The following BDNF variants were observed in gnomAD, a reference collection of about 807,000 sequenced individuals.
The protein encoded by BDNF is neurotrophic factor BDNF precursor form.
BDNF carries 1 observed loss-of-function variant against 19.5 expected under a neutral mutation model. The ratio of observed to expected loss-of-function variants is 0.05; its 90% CI spans 0.02 to 0.24. The LOEUF is 0.24. BDNF is among the 10% of genes least tolerant of loss of function. The pLI is 1.00. For synonymous variants in BDNF, 100 were observed against 121.6 expected (o/e 0.82, Z 1.17); for missense variants, 195 against 317.6 (o/e 0.61, Z 2.93).
chr11:27,687,269 G>T (rs904089070), intron 1 of BDNF, among the ~76,000 whole-genome samples: 1 of 152,116 alleles, frequency 6.6e-6, no homozygotes, highest in African/African-American at 2.4e-5. Flanking sequence ...GGTCATTTAT[G>T]TTCTTCTCTA....
intron 1 of BDNF, among the ~76,000 whole-genome samples, chr11:27,671,267 T>TGC (rs1200163233): frequency 6.6e-6 from 1 of 151,464 alleles, no homozygotes; most frequent in East Asian, 1.9e-4. Flanking sequence ...GTAACAAACC[T>TGC]GCAGGTTGTG....
At chr11:27,666,516 C>G (rs546304505) in intron 1 of BDNF, among the ~76,000 whole-genome samples, 2 of 152,112 alleles carry the variant, frequency 1.3e-5, no homozygotes, top group Non-Finnish European at 2.9e-5. Context: ...AGCAAAGAAG[C>G]TAAAAACCTT....
intron 1 of BDNF, among the ~76,000 whole-genome samples, chr11:27,667,060 C>A (rs549074849): frequency 6.6e-6 from 1 of 152,312 alleles, no homozygotes; most frequent in African/African-American, 2.4e-5. Flanking sequence ...ATCAGACTAA[C>A]AGCATCTTTC....
rs529491621 is a variant in BDNF at position 27,658,391 on chromosome 11, T to C, written c.174A>G (p.Ser58=). ...GPKAGSRGLT[S]LADTFEHVIE... Reference sequence around the variant, plus strand: ...TCACGTGTTCGAAAGTGTCAGCCAATGATGTCAAGCCTCTTGAACCTGCCT... The same window carrying C: ...TCACGTGTTCGAAAGTGTCAGCCAACGATGTCAAGCCTCTTGAACCTGCCT... Residue 58 remains serine, a synonymous_variant, in exon 2 of 2, where the codon TCA becomes TCG. Transcript: ENST00000356660. The surrounding 1 kb of genome is among the most constrained non-coding windows in gnomAD (Gnocchi z 5.7). 1 of 1,614,176 alleles carries C rather than the reference T, an allele frequency of 6.2e-7. No individual in the cohort carries two copies. Among genetic ancestry groups the C allele is most frequent in the East Asian group, 2.2e-5 (1 of 44,884 alleles).
At chr11:27,670,521 G>C (rs1459542804) in intron 1 of BDNF, among the ~76,000 whole-genome samples, 1 of 152,108 alleles carries the variant, frequency 6.6e-6, no homozygotes, top group Non-Finnish European at 1.5e-5. Context: ...CTGACAAAGG[G>C]CTAATATCCA....
Position 27,656,645 on chromosome 11 carries a change from C to T in BDNF, c.*1176G>A. 1 of 985,788 alleles carries T rather than the reference C, an allele frequency of 1.0e-6. No individual in the cohort carries two copies. Among genetic ancestry groups the T allele is most frequent in the Non-Finnish European group, 1.2e-6 (1 of 829,934 alleles). 61.1% of individuals were successfully genotyped at this position (985,788 alleles called of 1,614,324 possible). A position where few individuals can be genotyped will look rare whatever the true frequency, so the allele number is the denominator to read the frequency against. On this transcript the variant is annotated 3_prime_UTR_variant, in exon 2 of 2. Coordinates refer to ENST00000356660, the MANE Select transcript of BDNF (RefSeq NM_001709.5). ...GTCACTGGCAATGTGGATTCCTGTT[C>T]TGATCTAGGTGTTTCTGGGTTGATA...
At chr11:27,706,540 A>C (rs1860117036) in intron 1 of BDNF, among the ~76,000 whole-genome samples, 1 of 152,204 alleles carries the variant, frequency 6.6e-6, no homozygotes, top group Non-Finnish European at 1.5e-5. Flanking sequence ...TTAAGTCACC[A>C]CTCAGACTTT....
chr11:27,719,761 A>AGGAG (rs1296988711), intron 1 of BDNF: 1 of 51,570 alleles, frequency 1.9e-5, no homozygotes, highest in African/African-American at 7.6e-5. Flanking sequence ...GGGGGCGGGA[A>AGGAG]GGAGGGAGGG....
At chr11:27,678,630 T>C (rs1856481149) in intron 1 of BDNF, among the ~76,000 whole-genome samples, 1 of 152,208 alleles carries the variant, frequency 6.6e-6, no homozygotes, top group East Asian at 1.9e-4. Context: ...GGATGGCTCT[T>C]AGTCCTTGTG....
chr11:27,658,933 C>T lies in BDNF; in HGVS notation c.-21-348G>A, dbSNP rs931838828. The T allele has an allele frequency of 3.0e-5, 34 of 1,127,400 alleles. No homozygotes were observed. Among genetic ancestry groups the T allele is most frequent in the Admixed American group, 1.4e-4 (3 of 21,236 alleles). 69.8% of individuals were successfully genotyped at this position (1,127,400 alleles called of 1,614,324 possible). On this transcript the variant is annotated intron_variant, in intron 1 of 1. Transcript: ENST00000356660. This position sits in a 1 kb window ranked among gnomAD's most constrained non-coding sequence, Gnocchi z 5.7. The stretch of plus-strand genomic sequence containing the variant: ...TTAATGATCTCTGCTCATGCTGTCA[C>T]GAGAAACACAAAATCATAAATGTTA...
intron 1 of BDNF, chr11:27,720,229 A>C: frequency 4.2e-6 from 3 of 718,292 alleles, no homozygotes; most frequent in Non-Finnish European, 5.1e-6. Context: ...ACCAAGAAAC[A>C]ACCCCCTCTC....
intron 1 of BDNF, chr11:27,699,408 C>G: frequency 6.2e-7 from 1 of 1,614,136 alleles, no homozygotes; most frequent in Non-Finnish European, 8.5e-7. Flanking sequence ...CTCTGCATCC[C>G]CAGAGACTAA....
At chr11:27,662,034 G>T (rs1455768582) in intron 1 of BDNF, among the ~76,000 whole-genome samples, 2 of 151,950 alleles carry the variant, frequency 1.3e-5, no homozygotes, top group African/African-American at 4.8e-5. Context: ...ACAGAGTCTT[G>T]CTCTGTCGCC....
In BDNF at chr11:27,663,486, A is replaced by C. The variant is rs141512158; in HGVS notation, c.-21-4901T>G. On this transcript the variant is annotated intron_variant, in intron 1 of 1. Transcript: ENST00000356660. The stretch of plus-strand genomic sequence containing the variant: ...TCACTGAAAGAATGTCCATAACAAC[A>C]TGCTCTTTTACTCTTGCTGTAGTCA... Among the ~76,000 whole-genome samples the C allele has an allele frequency of 5.6e-4, 86 of 152,370 alleles. No individual in the cohort carries two copies. The East Asian group carries it at 0.012, about 20-fold the overall frequency.
At chr11:27,714,662 G>A (rs535642457) in intron 1 of BDNF, among the ~76,000 whole-genome samples, 2 of 152,006 alleles carry the variant, frequency 1.3e-5, no homozygotes, top group African/African-American at 2.4e-5. Context: ...AAAATTTGCG[G>A]TACCCACCCA....
rs886147794 is a variant in BDNF, at chr11:27,717,792, T to C, written c.3+3620A>G. On this transcript the variant is annotated intron_variant, in intron 1 of 1. Coordinates refer to the BDNF transcript ENST00000314915. ...ATACACATAAACAGTGAATATCAGG[T>C]GCACCATTTTTAAAGTGCTATTCAT... Among the ~76,000 whole-genome samples the C allele has an allele frequency of 2.6e-5, 4 of 152,106 alleles. No homozygotes were observed. In the East Asian group the frequency reaches 7.7e-4, roughly 29 times the overall value.
chr11:27,675,069 T>TA (rs561808071), intron 1 of BDNF: 3,531 of 269,240 alleles, frequency 0.013, 38 homozygotes, highest in Non-Finnish European at 0.017. Context: ...TATGAACCAG[T>TA]GCTGGCTTGC....
chr11:27,681,529 C>A (rs1165018283), intron 1 of BDNF, among the ~76,000 whole-genome samples: 1 of 152,074 alleles, frequency 6.6e-6, no homozygotes, highest in African/African-American at 2.4e-5. Flanking sequence ...TTTCTAGAAA[C>A]AGGATTCCAG....
chr11:27,694,295 A>G (rs1206636917), intron 1 of BDNF, among the ~76,000 whole-genome samples: 20 of 152,212 alleles, frequency 1.3e-4, no homozygotes, highest in Admixed American at 1.3e-3. Context: ...AGCCAACTAA[A>G]TGACTTTTAT....
Sources: allele counts gnomAD v4.1 joint callset (sites outside exome capture counted in the v4.1 genomes callset), GRCh38; gene constraint gnomAD v4.1.1; non-coding constraint Gnocchi (gnomAD v3.1); transcripts MANE v1.5; gene names NCBI Gene and HGNC (gene_info 2026-07-23, HGNC 2026-07-21).